PUS1: variants seen among roughly 807,000 people sequenced by gnomAD.
The protein encoded by PUS1 is pseudouridine synthase 1, also known as pseudouridylate synthase 1 homolog.
In PUS1, 25 loss-of-function variants were observed where a neutral mutation model predicts 38.5. That is an observed-to-expected ratio of 0.65 (90% CI 0.47 to 0.91). The LOEUF (loss-of-function observed/expected upper bound fraction) is 0.91. Among genes scored for constraint, PUS1 ranks in the 40% least tolerant of loss-of-function variants. The pLI, the probability that PUS1 is intolerant of heterozygous loss-of-function variation, is 0.00. For missense variants in PUS1, 597 were observed against 612.3 expected (o/e 0.97, Z 0.26); for synonymous variants, 282 against 260.4 (o/e 1.08, Z -0.80).
rs1566147429 is a variant in PUS1 at position 131,941,163 on chromosome 12, G to A, written c.545-129G>A. On this transcript the variant is annotated intron_variant, in intron 4 of 5. Coordinates refer to ENST00000376649, the MANE Select transcript of PUS1 (RefSeq NM_025215.6). This position sits in a 1 kb window ranked among gnomAD's most constrained non-coding sequence, Gnocchi z 4.4. Reference sequence around the variant, plus strand: ...TGGCTGCCCCCTCCCCAGAGAAGCCGATGCTTGCTGGAGCTTGGTCGGTGC... The same window carrying A: ...TGGCTGCCCCCTCCCCAGAGAAGCCAATGCTTGCTGGAGCTTGGTCGGTGC... 7 of 789,492 alleles carry A rather than the reference G, an allele frequency of 8.9e-6. No homozygotes were observed. The highest frequency in any genetic ancestry group is 2.7e-5 in the East Asian group (1 of 37,274). 48.9% of individuals were successfully genotyped at this position (789,492 alleles called of 1,614,324 possible).
rs1891196195 is a variant in PUS1, at chr12:131,943,966, A to G, written c.*380A>G. ...ACAGATACGGCTGAACAAAAGAGAA[A>G]GGCCCAGGAGGTTGGCTCAGCCTGT... On this transcript the variant is annotated 3_prime_UTR_variant, in exon 6 of 6. Coordinates refer to ENST00000376649, the MANE Select transcript of PUS1 (RefSeq NM_025215.6). The G allele has an allele frequency of 3.6e-6, 1 of 279,900 alleles. No homozygotes were observed. Among genetic ancestry groups the G allele is most frequent in the Non-Finnish European group, 7.0e-6 (1 of 142,026 alleles). The allele number at this position is 279,900 out of a possible 1,614,324, so 17.3% of individuals were successfully genotyped here.
chr12:131,932,521 G>A (rs1258772660), intron 3 of PUS1: 14 of 614,876 alleles, frequency 2.3e-5, no homozygotes, highest in Non-Finnish European at 3.8e-5. Context: ...GTGGGACTCT[G>A]TGTTCTCTCT....
rs1593299419 is a variant in PUS1 at position 131,944,532 on chromosome 12, A to C, written c.*946A>C. ...CCGTCAAAAAAAAAACAACAAAAAAACCCAGCATCCTGCACTCTGCAGGGT... is the reference window on the plus strand; with the variant it reads ...CCGTCAAAAAAAAAACAACAAAAAACCCCAGCATCCTGCACTCTGCAGGGT... On this transcript the variant is annotated 3_prime_UTR_variant, in exon 6 of 6. Transcript: ENST00000376649. 6.6e-6 allele frequency: 1 copy of C among 151,934 alleles called. No homozygotes were observed. Among genetic ancestry groups the C allele is most frequent in the Admixed American group, 6.6e-5 (1 of 15,252 alleles). The allele number at this position is 151,934 out of a possible 1,614,324, so 9.4% of individuals were successfully genotyped here.
intron 5 of PUS1, 70 bp from the exon 6 acceptor site, chr12:131,943,469 C>T: frequency 7.6e-7 from 1 of 1,319,112 alleles, no homozygotes; most frequent in Non-Finnish European, 1.1e-6. Flanking sequence ...CTGTCATGGG[C>T]CCCTGTGGGC....
chr12:131,932,467 G>C (rs1310362353), intron 3 of PUS1, 155 bp downstream of exon 3: 1 of 830,834 alleles, frequency 1.2e-6, no homozygotes, highest in Non-Finnish European at 2.0e-6. Flanking sequence ...ACGTCCAGGA[G>C]CCTGGTCGGC....
chr12:131,940,443 A>G (rs1325592952), intron 4 of PUS1, among the ~76,000 whole-genome samples: 2 of 152,214 alleles, frequency 1.3e-5, no homozygotes, highest in Non-Finnish European at 2.9e-5. Context: ...TTGTTTATAC[A>G]GTTACCTGCT....
intron 4 of PUS1, chr12:131,940,980 C>A: frequency 2.5e-6 from 1 of 407,994 alleles, no homozygotes; most frequent in Non-Finnish European, 4.5e-6. Context: ...CATAATATAT[C>A]CATCACTCCA....
Position 131,944,124 on chromosome 12 carries a change from C to G in PUS1, c.*538C>G, listed in dbSNP as rs1216053072. The G allele has an allele frequency of 6.0e-6, 1 of 167,710 alleles. No individual in the cohort carries two copies. Among genetic ancestry groups the G allele is most frequent in the African/African-American group, 2.4e-5 (1 of 41,614 alleles). 10.4% of individuals were successfully genotyped at this position (167,710 alleles called of 1,614,324 possible). On this transcript the variant is annotated 3_prime_UTR_variant, in exon 6 of 6. Transcript: ENST00000376649. The stretch of plus-strand genomic sequence containing the variant: ...CATGGCGGCATGCCCTGTAGTTCAG[C>G]TGCTCAGGAGGCTGAGGTGGGAGGA...
At chr12:131,936,040 G>A (rs956691668) in intron 3 of PUS1, among the ~76,000 whole-genome samples, 8 of 151,510 alleles carry the variant, frequency 5.3e-5, no homozygotes, top group African/African-American at 1.2e-4. Flanking sequence ...GTGAAACCCC[G>A]TCTCTACTAA....
chr12:131,935,678 CAT>C (rs1323923957), intron 3 of PUS1, among the ~76,000 whole-genome samples: 1 of 152,012 alleles, frequency 6.6e-6, no homozygotes, highest in East Asian at 2.0e-4. Flanking sequence ...GGAATACAGG[CAT>C]GCGTCACCAC....
chr12:131,929,759 G>A lies in PUS1; in HGVS notation c.37G>A (p.Gly13Arg), dbSNP rs1334295946. The A allele has an allele frequency of 1.9e-5, 30 of 1,592,778 alleles. No individual in the cohort carries two copies. Among genetic ancestry groups the A allele is most frequent in the Non-Finnish European group, 2.5e-5 (29 of 1,177,022 alleles). Reference sequence around the variant, plus strand: ...GCTTCGCGCGCTGTTGGGAGCCTTCGGACGGTGGACCCTGCGCCTGGGACC... The same window carrying A: ...GCTTCGCGCGCTGTTGGGAGCCTTCAGACGGTGGACCCTGCGCCTGGGACC... Reference protein sequence around the residue: ...LQLRALLGAFGRWTLRLGPRP... With the variant: ...LQLRALLGAFRRWTLRLGPRP... Residue 13 changes from glycine (G) to arginine (R), a missense_variant, in exon 1 of 6, where the codon GGA becomes AGA. Transcript: ENST00000376649.
rs1432670781 is a variant in PUS1 at position 131,943,620 on chromosome 12, G to A, written c.*34G>A. ...GAGCTGCCCACCAGAGTGCCTCTGA[G>A]CAGCTCACAGTGTGTGCCCAGATGT... On this transcript the variant is annotated 3_prime_UTR_variant, in exon 6 of 6. Transcript: ENST00000376649. 1.9e-6 allele frequency: 3 copies of A among 1,585,556 alleles called. No individual in the cohort carries two copies. The highest frequency in any genetic ancestry group is 1.7e-4 in the Middle Eastern group (1 of 5,998).
At chr12:131,937,279 T>C (rs1317285732) in intron 3 of PUS1, among the ~76,000 whole-genome samples, 1 of 152,232 alleles carries the variant, frequency 6.6e-6, no homozygotes, top group South Asian at 2.1e-4. Context: ...ATGATTCTTA[T>C]GTGGGTGCCA....
intron 3 of PUS1, among the ~76,000 whole-genome samples, chr12:131,934,031 G>T (rs2136434579): frequency 6.6e-6 from 1 of 152,340 alleles, no homozygotes; most frequent in African/African-American, 2.4e-5. Flanking sequence ...TGTGGTAGGT[G>T]AGGCGGAGAG....
At position 131,941,949 on chromosome 12, in the gene PUS1, C is replaced by T. The variant is rs773905517; in HGVS notation, c.1202C>T (p.Ala401Val). ...LSTLPIHNFS[A>V]TALTAGGTGA... ...ACCTTGCCCATCCACAACTTCAGTG[C>T]CACCGCTCTCACGGCAGGTGGCACG... The change falls in exon 5 of 6, where the codon GCC becomes GTC. Residue 401 changes from alanine to valine, a missense_variant. By Grantham distance (64) the Ala-to-Val change is moderately conservative. Transcript: ENST00000376649. This position sits in a 1 kb window ranked among gnomAD's most constrained non-coding sequence, Gnocchi z 4.4. 1.1e-5 allele frequency: 18 copies of T among 1,613,042 alleles called. No homozygotes were observed. The highest frequency in any genetic ancestry group is 1.4e-5 in the Non-Finnish European group (17 of 1,179,998).
In PUS1 at chr12:131,941,767, C is replaced by T. The variant is rs202059921; in HGVS notation, c.1020C>T (p.Phe340=). 499 of 1,613,696 alleles carry T rather than the reference C, an allele frequency of 3.1e-4. 4 individuals carry two copies. In the Admixed American group the frequency reaches 6.6e-3, roughly 21 times the overall value. The part of the protein sequence containing the change: ...GLGLVLERVH[F]EKYNQRFGND... ...GCCTGGTCCTGGAGAGGGTGCACTT[C>T]GAGAAGTACAACCAGCGCTTTGGCA... The change falls in exon 5 of 6, where the codon TTC becomes TTT. Residue 340 remains phenylalanine (F), a synonymous_variant. Transcript: ENST00000376649. This position sits in a 1 kb window ranked among gnomAD's most constrained non-coding sequence, Gnocchi z 4.4.
chr12:131,929,984 G>A lies in PUS1; in HGVS notation c.152G>A (p.Gly51Asp), dbSNP rs958305870. The A allele has an allele frequency of 6.0e-6, 9 of 1,496,956 alleles. No individual in the cohort carries two copies. In the African/African-American group the frequency reaches 1.3e-4, roughly 22 times the overall value. The allele number at this position is 1,496,956 out of a possible 1,614,324, so 92.7% of individuals were successfully genotyped here. ...ACPQDRRSCSGRAGGDRVWED... is the reference protein window; with the variant it reads ...ACPQDRRSCSDRAGGDRVWED... ...CCCCAGGACCGGAGGTCCTGCAGCG[G>A]CCGGGCCGGGGGCGACCGCGTCTGG... The change falls in exon 2 of 6, where the codon GGC becomes GAC. Residue 51 changes from glycine (G) to aspartate (D), a missense_variant. Coordinates refer to ENST00000376649, the MANE Select transcript of PUS1 (RefSeq NM_025215.6).
At chr12:131,931,974 C>T (rs923353433) in intron 2 of PUS1, 4 of 667,986 alleles carry the variant, frequency 6.0e-6, no homozygotes, top group African/African-American at 3.6e-5. Context: ...CACTACCCAC[C>T]CCCTAGCATG....
intron 3 of PUS1, among the ~76,000 whole-genome samples, chr12:131,938,311 G>T (rs1477728937): frequency 6.6e-6 from 1 of 152,060 alleles, no homozygotes; most frequent in African/African-American, 2.4e-5. Flanking sequence ...CAGGCATCGT[G>T]GTGCCTGTCT....
Sources: allele counts gnomAD v4.1 joint callset (sites outside exome capture counted in the v4.1 genomes callset), GRCh38; gene constraint gnomAD v4.1.1; non-coding constraint Gnocchi (gnomAD v3.1); transcripts MANE v1.5; gene names NCBI Gene and HGNC (gene_info 2026-07-23, HGNC 2026-07-21).